The following GLIS3 variants were observed in gnomAD, a reference collection of about 807,000 sequenced individuals.
The protein encoded by GLIS3 is zinc finger protein GLIS3.
In GLIS3, 53 loss-of-function variants were observed where a neutral mutation model predicts 78.6. The observed-to-expected ratio is 0.67, with a 90% CI of 0.54 to 0.85. The LOEUF is 0.85. GLIS3 is among the 40% of genes least tolerant of loss of function. GLIS3 has a pLI of 0.00. For synonymous variants in GLIS3, 684 were observed against 509.9 expected (o/e 1.34, Z -4.60); for missense variants, 1,703 against 1,231.1 (o/e 1.38, Z -5.74).
the GLIS3 span, among the ~76,000 whole-genome samples, chr9:4,468,119 C>T: frequency 3.8e-4 from 58 of 152,274 alleles, no homozygotes; most frequent in African/African-American, 1.4e-3. Flanking sequence ...AACAAAGCCT[C>T]CAAGAAATAT....
chr9:4,397,329 A>G, the GLIS3 span, among the ~76,000 whole-genome samples: 1 of 151,646 alleles, frequency 6.6e-6, no homozygotes, highest in African/African-American at 2.4e-5. Context: ...CCTGCCGTCA[A>G]TCCATTATTT....
chr9:3,981,389 C>G (rs1465471262), intron 4 of GLIS3, among the ~76,000 whole-genome samples: 1 of 152,170 alleles, frequency 6.6e-6, no homozygotes, highest in African/African-American at 2.4e-5. Flanking sequence ...GCTTCCAAGG[C>G]TGTAATTTAG....
At chr9:4,243,623 A>C (rs575198206) in intron 2 of GLIS3, among the ~76,000 whole-genome samples, 1 of 152,352 alleles carries the variant, frequency 6.6e-6, no homozygotes, top group South Asian at 2.1e-4. Context: ...GAAAGATTTA[A>C]TAGCCATTTT....
At chr9:4,242,218 C>G (rs140950642) in intron 2 of GLIS3, among the ~76,000 whole-genome samples, 1 of 152,010 alleles carries the variant, frequency 6.6e-6, no homozygotes. Context: ...TTTGGATAAA[C>G]GCTACCATTT....
intron 3 of GLIS3, among the ~76,000 whole-genome samples, chr9:4,124,364 A>G (rs1376308058): frequency 6.6e-6 from 1 of 152,260 alleles, no homozygotes; most frequent in East Asian, 1.9e-4. Flanking sequence ...AAGGGACTGC[A>G]TAAGATACAT....
At position 4,190,157 on chromosome 9, in the gene GLIS3, C is replaced by G. The variant is rs573608237; in HGVS notation, c.389-64216G>C. ...TCCTCCAAAGGAACGCAGCTCCTCACCAGCAACGGAACAAAGCTGGACGGA... is the reference window on the plus strand; with the variant it reads ...TCCTCCAAAGGAACGCAGCTCCTCAGCAGCAACGGAACAAAGCTGGACGGA... On this transcript the variant is annotated intron_variant, in intron 2 of 10. Coordinates refer to ENST00000381971, the MANE Select transcript of GLIS3 (RefSeq NM_001042413.2). Among the ~76,000 whole-genome samples the G allele has an allele frequency of 1.6e-3, 245 of 152,306 alleles. 2 individuals are homozygous for G. The highest frequency in any genetic ancestry group is 5.8e-3 in the African/African-American group (243 of 41,562).
intron 2 of GLIS3, among the ~76,000 whole-genome samples, chr9:4,201,600 T>C (rs1245699691): frequency 6.6e-6 from 1 of 151,924 alleles, no homozygotes; most frequent in African/African-American, 2.4e-5. Context: ...ACACAAAGAA[T>C]ACAATACCCA....
chr9:3,837,136 C>T (rs940403147), intron 9 of GLIS3, among the ~76,000 whole-genome samples: 1 of 152,188 alleles, frequency 6.6e-6, no homozygotes, highest in African/African-American at 2.4e-5. Context: ...AGGCACTGAC[C>T]TACGACAGGT....
the GLIS3 span, among the ~76,000 whole-genome samples, chr9:4,472,535 C>G: frequency 2.0e-5 from 3 of 150,614 alleles, no homozygotes; most frequent in Non-Finnish European, 2.9e-5. Context: ...CATATTCTCA[C>G]TCATAAGTGG....
At chr9:4,137,363 T>C (rs1833477135) in intron 2 of GLIS3, among the ~76,000 whole-genome samples, 1 of 152,232 alleles carries the variant, frequency 6.6e-6, no homozygotes, top group African/African-American at 2.4e-5. Flanking sequence ...AGAACATAAC[T>C]TTCATACCAA....
intron 2 of GLIS3, among the ~76,000 whole-genome samples, chr9:4,164,105 G>C (rs1481706928): frequency 1.3e-5 from 2 of 152,140 alleles, no homozygotes; most frequent in Non-Finnish European, 2.9e-5. Flanking sequence ...TAATTTCCCG[G>C]ATGTTATGAG....
chr9:3,980,194 T>G (rs1268160569), intron 4 of GLIS3, among the ~76,000 whole-genome samples: 2 of 152,198 alleles, frequency 1.3e-5, no homozygotes, highest in African/African-American at 4.8e-5. Flanking sequence ...GAAAAAAATT[T>G]TTTTCCAACA....
At chr9:4,394,981 A>T in the GLIS3 span, among the ~76,000 whole-genome samples, 1 of 152,228 alleles carries the variant, frequency 6.6e-6, no homozygotes, top group African/African-American at 2.4e-5. Context: ...CTTGCACTGA[A>T]TATCCCGTAG....
At chr9:3,981,387 G>A (rs1024843754) in intron 4 of GLIS3, among the ~76,000 whole-genome samples, 2 of 152,138 alleles carry the variant, frequency 1.3e-5, no homozygotes, top group Non-Finnish European at 2.9e-5. Flanking sequence ...TAGCTTCCAA[G>A]GCTGTAATTT....
At chr9:3,878,913 G>C (rs1414200066) in intron 8 of GLIS3, 1 of 162,430 alleles carries the variant, frequency 6.2e-6, no homozygotes, top group Non-Finnish European at 1.4e-5. Flanking sequence ...AAAGGCCTCT[G>C]GGGCCAATAA....
At chr9:4,281,400 A>C (rs923917856) in intron 2 of GLIS3, among the ~76,000 whole-genome samples, 6 of 152,038 alleles carry the variant, frequency 3.9e-5, no homozygotes, top group Admixed American at 3.3e-4. Flanking sequence ...TTCCATCCTC[A>C]CCAACTGAAG....
intron 4 of GLIS3, among the ~76,000 whole-genome samples, chr9:4,053,040 T>C (rs977263535): frequency 2.6e-5 from 4 of 152,156 alleles, no homozygotes; most frequent in Non-Finnish European, 5.9e-5. Context: ...CTCTGCCTCC[T>C]AAGTTCAAGC....
chr9:3,990,888 C>T (rs1820180977), intron 4 of GLIS3, among the ~76,000 whole-genome samples: 1 of 152,272 alleles, frequency 6.6e-6, no homozygotes, highest in Non-Finnish European at 1.5e-5. Flanking sequence ...TCCCTGACAT[C>T]AAGCATGCCC....
intron 1 of GLIS3, among the ~76,000 whole-genome samples, chr9:4,287,797 T>C (rs1277593458): frequency 6.6e-6 from 1 of 152,270 alleles, no homozygotes; most frequent in African/African-American, 2.4e-5. Context: ...TTTTCATTTT[T>C]AGAAAATCAA....
Sources: allele counts gnomAD v4.1 joint callset (sites outside exome capture counted in the v4.1 genomes callset), GRCh38; gene constraint gnomAD v4.1.1; transcripts MANE v1.5; gene names NCBI Gene and HGNC (gene_info 2026-07-23, HGNC 2026-07-21).